The following EPHA5 variants were observed in gnomAD, a reference collection of about 807,000 sequenced individuals.
The protein encoded by EPHA5 is EPH receptor A5.
Under a neutral mutation model 105.0 loss-of-function variants are expected in EPHA5, and 60 were observed. The ratio of observed to expected loss-of-function variants is 0.57; its 90% CI spans 0.46 to 0.71. The LOEUF (loss-of-function observed/expected upper bound fraction) is 0.71. Among genes scored for constraint, EPHA5 ranks in the 30% least tolerant of loss-of-function variants. EPHA5 has a pLI of 0.00. For missense variants in EPHA5, 1,218 were observed against 1,274.7 expected, an observed-to-expected ratio of 0.96 and a Z score of 0.68; for synonymous variants, 513 against 449.1, an observed-to-expected ratio of 1.14 and a Z score of -1.80.
At chr4:65,388,610 T>C (rs200577407) in intron 8 of EPHA5, among the ~76,000 whole-genome samples, 1 of 151,676 alleles carries the variant, frequency 6.6e-6, no homozygotes, top group African/African-American at 2.4e-5. Context: ...GCTGCATAAA[T>C]GTCTTCTTTT....
chr4:65,376,247 G>C (rs949911387), intron 8 of EPHA5, among the ~76,000 whole-genome samples: 5 of 152,016 alleles, frequency 3.3e-5, no homozygotes, highest in Non-Finnish European at 5.9e-5. Context: ...GGGTACAATA[G>C]TGCAAGGATT....
intron 5 of EPHA5, among the ~76,000 whole-genome samples, chr4:65,435,564 G>T (rs997085466): frequency 6.6e-6 from 1 of 151,798 alleles, no homozygotes; most frequent in Non-Finnish European, 1.5e-5. Flanking sequence ...ATAAATTAAG[G>T]GTTTATAAAC....
At chr4:65,399,480 CT>C (rs1239073159) in intron 8 of EPHA5, among the ~76,000 whole-genome samples, 1 of 152,192 alleles carries the variant, frequency 6.6e-6, no homozygotes, top group Non-Finnish European at 1.5e-5. Context: ...AAAGGTGCCC[CT>C]GGCCACAGAG....
intron 3 of EPHA5, among the ~76,000 whole-genome samples, chr4:65,537,012 G>T (rs1008593697): frequency 1.3e-5 from 2 of 151,576 alleles, no homozygotes; most frequent in Non-Finnish European, 3.0e-5. Flanking sequence ...ACTCTAATTG[G>T]GTCAGACTAT....
chr4:65,562,052 A>G (rs1308454715), intron 3 of EPHA5, among the ~76,000 whole-genome samples: 1 of 152,088 alleles, frequency 6.6e-6, no homozygotes, highest in Non-Finnish European at 1.5e-5. Context: ...TCAACTGAAT[A>G]TCACAGAGCT....
chr4:65,369,005 C>T (rs1718196160), intron 8 of EPHA5, among the ~76,000 whole-genome samples: 1 of 152,096 alleles, frequency 6.6e-6, no homozygotes, highest in African/African-American at 2.4e-5. Flanking sequence ...TCTGCATCCC[C>T]TCATGTGATT....
chr4:65,441,247 A>C (rs1000883549), intron 5 of EPHA5, among the ~76,000 whole-genome samples: 1 of 151,972 alleles, frequency 6.6e-6, no homozygotes, highest in Non-Finnish European at 1.5e-5. Context: ...AATGCAAATG[A>C]CCTGTAAACA....
At chr4:65,396,421 C>T (rs768152557) in intron 8 of EPHA5, among the ~76,000 whole-genome samples, 6 of 150,720 alleles carry the variant, frequency 4.0e-5, no homozygotes, top group Admixed American at 6.6e-5. Flanking sequence ...TGAATCAGAC[C>T]CTGACTACCA....
At chr4:65,381,623 G>A (rs1719571205) in intron 8 of EPHA5, among the ~76,000 whole-genome samples, 1 of 151,762 alleles carries the variant, frequency 6.6e-6, no homozygotes, top group Non-Finnish European at 1.5e-5. Context: ...AATGTTAATA[G>A]TTTTATACAT....
At chr4:65,485,890 A>G (rs918986003) in intron 5 of EPHA5, among the ~76,000 whole-genome samples, 1 of 152,140 alleles carries the variant, frequency 6.6e-6, no homozygotes, top group Non-Finnish European at 1.5e-5. Flanking sequence ...TGTCCCCTAC[A>G]TCTCACAATT....
intron 3 of EPHA5, among the ~76,000 whole-genome samples, chr4:65,553,370 C>T (rs186004789): frequency 4.7e-4 from 72 of 152,124 alleles, no homozygotes; most frequent in Non-Finnish European, 9.0e-4. Flanking sequence ...TGAAGGACAA[C>T]CTGGCTTAAA....
intron 5 of EPHA5, among the ~76,000 whole-genome samples, chr4:65,454,139 G>C (rs1398929544): frequency 6.6e-5 from 10 of 152,058 alleles, no homozygotes; most frequent in Admixed American, 6.6e-4. Flanking sequence ...AATTAGCCGG[G>C]CATGGTGGCG....
At chr4:65,532,128 G>T (rs1735862984) in intron 3 of EPHA5, among the ~76,000 whole-genome samples, 2 of 152,124 alleles carry the variant, frequency 1.3e-5, no homozygotes, top group South Asian at 2.1e-4. Context: ...CAGGGTTGGT[G>T]TAGAAAGCTA....
At chr4:65,455,966 A>G (rs1289422742) in intron 5 of EPHA5, among the ~76,000 whole-genome samples, 2 of 152,196 alleles carry the variant, frequency 1.3e-5, no homozygotes, top group Non-Finnish European at 2.9e-5. Flanking sequence ...TTATTAACTA[A>G]ATTTGAAATA....
At chr4:65,448,674 CA>C in intron 5 of EPHA5, among the ~76,000 whole-genome samples, 1 of 152,032 alleles carries the variant, frequency 6.6e-6, no homozygotes, top group African/African-American at 2.4e-5. Flanking sequence ...ACAACAACAA[CA>C]ACAAAACGAC....
At chr4:65,400,227 G>A (rs1274663421) in intron 8 of EPHA5, among the ~76,000 whole-genome samples, 1 of 152,074 alleles carries the variant, frequency 6.6e-6, no homozygotes, top group Non-Finnish European at 1.5e-5. Flanking sequence ...AGTTATCAAT[G>A]CCCAATGTCA....
intron 5 of EPHA5, among the ~76,000 whole-genome samples, chr4:65,452,604 T>C (rs1187553988): frequency 1.3e-5 from 2 of 149,354 alleles, no homozygotes; most frequent in Admixed American, 6.7e-5. Flanking sequence ...AAGACAAACA[T>C]CCTATGGCTG....
At chr4:65,454,480 C>G (rs1423034524) in intron 5 of EPHA5, among the ~76,000 whole-genome samples, 1 of 152,052 alleles carries the variant, frequency 6.6e-6, no homozygotes, top group East Asian at 1.9e-4. Context: ...TATTTAAAGG[C>G]AAAGAATAGT....
At chr4:65,639,307 C>T (rs1202324791) in intron 2 of EPHA5, among the ~76,000 whole-genome samples, 1 of 152,108 alleles carries the variant, frequency 6.6e-6, no homozygotes, top group African/African-American at 2.4e-5. Context: ...ACAGATTTTA[C>T]TTATTTGAGA....
Sources: allele counts gnomAD v4.1 joint callset (sites outside exome capture counted in the v4.1 genomes callset), GRCh38; gene constraint gnomAD v4.1.1; transcripts MANE v1.5; gene names NCBI Gene and HGNC (gene_info 2026-07-23, HGNC 2026-07-21).